Variants in LGI1 observed in about 807,000 individuals in gnomAD.
LGI1 encodes the protein leucine-rich glioma-inactivated protein 1.
In LGI1, 11 loss-of-function variants were observed where a neutral mutation model predicts 57.7. The ratio of observed to expected loss-of-function variants is 0.19; its 90% confidence interval spans 0.12 to 0.32. The LOEUF (loss-of-function observed/expected upper bound fraction) is 0.32, where lower values mean the gene tolerates loss of function less well. Among genes scored for constraint, LGI1 ranks in the 10% least tolerant of loss-of-function variants. LGI1 has a pLI of 1.00. For missense variants in LGI1, 422 were observed against 661.9 expected (o/e 0.64, Z 3.98); for synonymous variants, 222 against 241.9 (o/e 0.92, Z 0.76).
chr10:93,758,068 A>T lies in LGI1; in HGVS notation c.-77A>T. The stretch of plus-strand genomic sequence containing the variant: ...GAGGAAAAGGGTGGACTCCTATGTG[A>T]CCTGTTCTTAGAGCAAGACAATCAC... On this transcript the variant is annotated 5_prime_UTR_variant, in exon 1 of 8. The change abolishes the stop of an existing upstream ORF in the 5' untranslated region. Transcript: ENST00000371418. The surrounding 1 kb of genome is among the most constrained non-coding windows in gnomAD (Gnocchi z 4.7). The T allele has an allele frequency of 7.6e-7, 1 of 1,310,610 alleles. No individual in the cohort carries two copies. Among genetic ancestry groups the T allele is most frequent in the Non-Finnish European group, 1.1e-6 (1 of 911,446 alleles). The allele number at this position is 1,310,610 out of a possible 1,614,324, so 81.2% of individuals were successfully genotyped here.
At chr10:93,782,330 A>G (rs2059853937) in intron 4 of LGI1, among the ~76,000 whole-genome samples, 2 of 152,214 alleles carry the variant, frequency 1.3e-5, no homozygotes, top group African/African-American at 4.8e-5. Flanking sequence ...AAATGGGGTT[A>G]TAATAATAAT....
intron 2 of LGI1, chr10:93,776,894 C>T (rs1414280360): frequency 3.2e-5 from 6 of 187,274 alleles, no homozygotes; most frequent in Non-Finnish European, 6.7e-5. Flanking sequence ...GTTCATGGAG[C>T]CAGTGTCAAC....
At chr10:93,773,410 C>T (rs941332277) in intron 2 of LGI1, among the ~76,000 whole-genome samples, 9 of 152,076 alleles carry the variant, frequency 5.9e-5, no homozygotes, top group Non-Finnish European at 1.3e-4. Flanking sequence ...TGTTTGGTAG[C>T]CTTCTGGGCC....
At chr10:93,794,054 T>C (rs2059959492) in intron 7 of LGI1, 1 of 144,590 alleles carries the variant, frequency 6.9e-6, no homozygotes. Context: ...AGTCTCGCTC[T>C]GTCACCCAGG....
intron 2 of LGI1, chr10:93,769,661 C>T (rs927102578): frequency 1.3e-5 from 2 of 152,258 alleles, no homozygotes; most frequent in African/African-American, 2.4e-5. Flanking sequence ...GATTTACCTA[C>T]TTGATGTGTA....
intron 4 of LGI1, among the ~76,000 whole-genome samples, chr10:93,783,280 G>A (rs2059864153): frequency 1.3e-5 from 2 of 152,310 alleles, no homozygotes; most frequent in South Asian, 4.1e-4. Context: ...GGAGGCTGAG[G>A]CGGGAGAATG....
intron 5 of LGI1, 41 bp from the exon 6 acceptor site, chr10:93,792,702 G>T: frequency 6.2e-7 from 1 of 1,600,520 alleles, no homozygotes; most frequent in Admixed American, 1.7e-5. Context: ...TGCGTGGGTA[G>T]GGCCCTTGTA....
chr10:93,779,851 A>G (rs2059831090), intron 4 of LGI1, among the ~76,000 whole-genome samples: 1 of 152,178 alleles, frequency 6.6e-6, no homozygotes, highest in African/African-American at 2.4e-5. Context: ...TGGAGGTAGG[A>G]AGGTGTTATG....
chr10:93,766,161 T>G lies in LGI1; in HGVS notation c.287+7330T>G, dbSNP rs1160658726. Among the ~76,000 whole-genome samples the G allele has an allele frequency of 2.6e-5, 4 of 152,136 alleles. No individual in the cohort carries two copies. In the East Asian group the frequency reaches 7.7e-4, roughly 29 times the overall value. The stretch of plus-strand genomic sequence containing the variant: ...CCTTACCAGGCTCTCCCTGTGGTGG[T>G]TGATGATAAAATGATGTTTCAGTAT... On this transcript the variant is annotated intron_variant, in intron 2 of 7. Coordinates refer to ENST00000371418, the MANE Select transcript of LGI1 (RefSeq NM_005097.4).
chr10:93,783,357 C>A (rs949953320), intron 4 of LGI1, among the ~76,000 whole-genome samples: 1 of 152,166 alleles, frequency 6.6e-6, no homozygotes, highest in African/African-American at 2.4e-5. Flanking sequence ...GCTTGGGTGA[C>A]AGAGCGAGAC....
chr10:93,790,397 G>T (rs2059926738), intron 5 of LGI1: 1 of 544,232 alleles, frequency 1.8e-6, no homozygotes, highest in Admixed American at 3.4e-5. Context: ...GCATTCCTTT[G>T]ACAAAGTGTG....
At chr10:93,769,508 C>T (rs1323122863) in intron 2 of LGI1, 2 of 152,244 alleles carry the variant, frequency 1.3e-5, no homozygotes, top group Non-Finnish European at 2.9e-5. Context: ...CCAGCTCTGA[C>T]ATTTGATGTC....
At chr10:93,784,882 G>T (rs1186236966) in intron 4 of LGI1, among the ~76,000 whole-genome samples, 2 of 152,096 alleles carry the variant, frequency 1.3e-5, no homozygotes, top group Non-Finnish European at 2.9e-5. Context: ...TGTGGGCCAG[G>T]ATCCATAACA....
rs1215998883 is a variant in LGI1, at chr10:93,797,988, C to T, written c.*185C>T. ...CCAGTCCAGTGATGTGGGAAGTTAC[C>T]TTTTATAAGACAAAATTTAATTGTG... On this transcript the variant is annotated 3_prime_UTR_variant, in exon 8 of 8. Coordinates refer to ENST00000371418, the MANE Select transcript of LGI1 (RefSeq NM_005097.4). This position sits in a 1 kb window ranked among gnomAD's most constrained non-coding sequence, Gnocchi z 6.5. 6.4e-6 allele frequency: 4 copies of T among 622,638 alleles called. No homozygotes were observed. In the East Asian group the frequency reaches 8.3e-5, roughly 13 times the overall value. 38.6% of individuals were successfully genotyped at this position (622,638 alleles called of 1,614,324 possible). A position where few individuals can be genotyped will look rare whatever the true frequency, so the allele number is the denominator to read the frequency against.
At chr10:93,763,212 A>C (rs772190983) in intron 2 of LGI1, 2 of 152,258 alleles carry the variant, frequency 1.3e-5, no homozygotes, top group African/African-American at 2.4e-5. Flanking sequence ...CTGAGCTGGC[A>C]TCCATAGTGT....
chr10:93,767,182 C>T (rs2059688349), intron 2 of LGI1: 1 of 152,110 alleles, frequency 6.6e-6, no homozygotes. Flanking sequence ...CAGCTAGTTT[C>T]CCTAGGTTGC....
chr10:93,788,573 C>G (rs940264380), intron 4 of LGI1: 1 of 152,216 alleles, frequency 6.6e-6, no homozygotes, highest in African/African-American at 2.4e-5. Flanking sequence ...AGGATTCAAA[C>G]ATAGCTCAGA....
At chr10:93,771,140 G>A (rs1177499202) in intron 2 of LGI1, 5 of 152,150 alleles carry the variant, frequency 3.3e-5, no homozygotes, top group African/African-American at 1.2e-4. Flanking sequence ...TACTCAAATA[G>A]GGGAGATTCT....
intron 4 of LGI1, among the ~76,000 whole-genome samples, chr10:93,786,199 G>C (rs1315295085): frequency 2.1e-5 from 1 of 47,034 alleles, no homozygotes; most frequent in African/African-American, 3.0e-5. Context: ...CCCGCTGCAG[G>C]AGGTCTTGTG....
Sources: gnomAD v4.1 joint callset for allele counts (sites outside exome capture counted in the v4.1 genomes callset) on GRCh38, gnomAD v4.1.1 for gene constraint, Gnocchi (gnomAD v3.1) non-coding constraint, MANE v1.5 for transcripts, NCBI Gene and HGNC (gene_info 2026-07-23, HGNC 2026-07-21) for gene names.